Variants in DNAH11 observed in about 807,000 individuals in gnomAD.
DNAH11 encodes dynein axonemal heavy chain 11.
A neutral mutation model predicts 526.0 loss-of-function variants in DNAH11; 442 were observed. The ratio of observed to expected loss-of-function variants is 0.84; its 90% CI spans 0.78 to 0.91. The LOEUF (loss-of-function observed/expected upper bound fraction) is 0.91. DNAH11 is among the 40% of genes least tolerant of loss of function. The probability of loss-of-function intolerance (pLI) is 0.00; values close to 1 mark genes in which losing one functional copy is unlikely to be tolerated. For synonymous variants in DNAH11, 2,461 were observed against 1,935.9 expected, an observed-to-expected ratio of 1.27 and a Z score of -7.12; for missense variants, 6,989 against 5,448.7, an observed-to-expected ratio of 1.28 and a Z score of -8.90.
chr7:21,836,288 G>A (rs1404110853), intron 65 of DNAH11, among the ~76,000 whole-genome samples: 1 of 151,898 alleles, frequency 6.6e-6, no homozygotes, highest in African/African-American at 2.4e-5. Flanking sequence ...ACTCCAAATA[G>A]CCAAACCAAC....
chr7:21,874,828 C>T (rs888528167), intron 74 of DNAH11, among the ~76,000 whole-genome samples: 2 of 151,958 alleles, frequency 1.3e-5, no homozygotes, highest in African/African-American at 4.8e-5. Flanking sequence ...TCCTTCCTTC[C>T]TCTAATTTTT....
chr7:21,551,420 A>G (rs900841601), intron 2 of DNAH11, among the ~76,000 whole-genome samples: 1 of 152,120 alleles, frequency 6.6e-6, no homozygotes, highest in Non-Finnish European at 1.5e-5. Context: ...CCAGTTCCCC[A>G]TGTACCAATT....
chr7:21,638,048 A>T (rs545600310), intron 27 of DNAH11, among the ~76,000 whole-genome samples: 23 of 152,304 alleles, frequency 1.5e-4, no homozygotes, highest in African/African-American at 4.8e-4. Context: ...CCGTTAATGT[A>T]GTCCTTTAGT....
At position 21,735,758 on chromosome 7, in the gene DNAH11, T is replaced by C. The variant is rs777454538; in HGVS notation, c.7559T>C (p.Val2520Ala). 30 of 1,613,916 alleles carry C rather than the reference T, an allele frequency of 1.9e-5. 1 individual carries two copies. The South Asian group carries it at 3.1e-4, about 17-fold the overall frequency. ...GCAGGAGTGGGAAAAACAGTCTTTG[T>C]AGGTGACACATTGGCAAGTCTCTCT... The part of the protein sequence containing the change: ...GNAGVGKTVF[V>A]GDTLASLSED... The change falls in exon 46 of 82, where the codon GTA (valine) becomes GCA (alanine). Residue 2520 changes from valine (V) to alanine (A), a missense_variant. Coordinates refer to ENST00000409508, the MANE Select transcript of DNAH11 (RefSeq NM_001277115.2).
chr7:21,651,710 G>T (rs147103620), intron 28 of DNAH11, among the ~76,000 whole-genome samples: 15 of 152,330 alleles, frequency 9.8e-5, no homozygotes, highest in African/African-American at 3.4e-4. Flanking sequence ...ATGAATTTCA[G>T]TCACTAAGGT....
At chr7:21,771,349 G>A (rs1282189234) in intron 55 of DNAH11, among the ~76,000 whole-genome samples, 4 of 152,146 alleles carry the variant, frequency 2.6e-5, no homozygotes, top group African/African-American at 9.7e-5. Flanking sequence ...ATTCAACTCT[G>A]CTGTTTGTCA....
rs572688181 is a variant in DNAH11 at position 21,860,856 on chromosome 7, A to T, written c.11203-997A>T. On this transcript the variant is annotated intron_variant, in intron 68 of 81. Transcript: ENST00000409508. Reference sequence around the variant, plus strand: ...ACAATCATGGTGGAAGGCGAAAGGCACTTCTTACATGGCAGCAGGCAAGAC... The same window carrying T: ...ACAATCATGGTGGAAGGCGAAAGGCTCTTCTTACATGGCAGCAGGCAAGAC... Among the ~76,000 whole-genome samples the T allele has an allele frequency of 2.0e-5, 3 of 152,276 alleles. No individual in the cohort carries two copies. In the South Asian group the frequency reaches 6.2e-4, roughly 32 times the overall value.
intron 74 of DNAH11, 52 bp downstream of exon 74, chr7:21,873,553 A>G: frequency 6.4e-7 from 1 of 1,557,656 alleles, no homozygotes; most frequent in Non-Finnish European, 8.8e-7. Context: ...TCATCTCACA[A>G]GACTGTGGGG....
At chr7:21,549,911 T>A (rs1256771877) in intron 2 of DNAH11, among the ~76,000 whole-genome samples, 1 of 152,192 alleles carries the variant, frequency 6.6e-6, no homozygotes, top group African/African-American at 2.4e-5. Flanking sequence ...GCATTAAATC[T>A]TATAGTTTGG....
chr7:21,701,154 C>T lies in DNAH11; in HGVS notation c.6181-1556C>T, dbSNP rs146301858. 7.0e-4 allele frequency among the ~76,000 whole-genome samples: 107 copies of T among 152,288 alleles called. 1 individual carries two copies. Among genetic ancestry groups the T allele is most frequent in the African/African-American group, 2.5e-3 (104 of 41,554 alleles). ...GGTTCTTTCCCCTCCCTTTCCTCTT[C>T]AAGCCTCAGCCTACTCCATCAGTGG... On this transcript the variant is annotated intron_variant, in intron 36 of 81. Coordinates refer to ENST00000409508, the MANE Select transcript of DNAH11 (RefSeq NM_001277115.2).
At chr7:21,629,765 C>G (rs540940805) in intron 25 of DNAH11, among the ~76,000 whole-genome samples, 4 of 152,114 alleles carry the variant, frequency 2.6e-5, no homozygotes, top group South Asian at 2.1e-4. Flanking sequence ...TTTCTAGTTG[C>G]ATGGTATATC....
chr7:21,861,836 C>A lies in DNAH11; in HGVS notation c.11203-17C>A. ...GCACCAGTTGTCACATTTTAATGGT[C>A]ACATTAAATTTCCCAGGCTTTTAAC... On this transcript the variant is annotated splice_polypyrimidine_tract_variant and intron_variant, in intron 68 of 81. Coordinates refer to ENST00000409508, the MANE Select transcript of DNAH11 (RefSeq NM_001277115.2). 2 of 1,609,482 alleles carry A rather than the reference C, an allele frequency of 1.2e-6. No individual in the cohort carries two copies. The highest frequency in any genetic ancestry group is 2.2e-5 in the South Asian group (2 of 89,820).
intron 28 of DNAH11, among the ~76,000 whole-genome samples, chr7:21,654,468 T>A (rs1027386158): frequency 1.3e-5 from 2 of 152,228 alleles, no homozygotes; most frequent in Non-Finnish European, 2.9e-5. Context: ...ATACCACATT[T>A]TGTTTATCCA....
chr7:21,573,775 C>T (rs1373157637), intron 8 of DNAH11, among the ~76,000 whole-genome samples: 2 of 152,162 alleles, frequency 1.3e-5, no homozygotes, highest in African/African-American at 4.8e-5. Flanking sequence ...GTTCCTGCTC[C>T]TGCCCCATCC....
rs565829201 is a variant in DNAH11 at position 21,799,116 on chromosome 7, T to G, written c.10027-2021T>G. ...AAATTAATCCTCAAAAAAACACCCT[T>G]TGAGCTAGGTAACATTATTAATTCC... On this transcript the variant is annotated intron_variant, in intron 61 of 81. Coordinates refer to ENST00000409508, the MANE Select transcript of DNAH11 (RefSeq NM_001277115.2). Among the ~76,000 whole-genome samples the G allele has an allele frequency of 2.4e-4, 37 of 152,208 alleles. 1 individual carries two copies. The Middle Eastern group carries it at 0.01, about 42-fold the overall frequency.
At position 21,681,663 on chromosome 7, in the gene DNAH11, C is replaced by T. The variant is rs112892548; in HGVS notation, c.5446C>T (p.Leu1816Phe). The change falls in exon 31 of 82, where the codon CTT (leucine) becomes TTT (phenylalanine). Residue 1816 changes from leucine (L) to phenylalanine (F), a missense_variant. Transcript: ENST00000409508. ...CCATGCCAGAGACGTGGTGGCAAAACTTATTTCTCAGAAGGCAAGTTGTTT... is the reference window on the plus strand; with the variant it reads ...CCATGCCAGAGACGTGGTGGCAAAATTTATTTCTCAGAAGGCAAGTTGTTT... The part of the protein sequence containing the change: ...DVHARDVVAK[L>F]ISQKVVSPQA... The T allele has an allele frequency of 1.2e-6, 2 of 1,613,888 alleles. No homozygotes were observed. Among genetic ancestry groups the T allele is most frequent in the Non-Finnish European group, 1.7e-6 (2 of 1,179,828 alleles).
intron 80 of DNAH11, 124 bp from the exon 81 acceptor site, chr7:21,899,856 T>A: frequency 3.3e-6 from 4 of 1,205,588 alleles, no homozygotes; most frequent in Non-Finnish European, 4.6e-6. Flanking sequence ...AGCGCAGCCA[T>A]GTGCCAATGC....
rs72657401 is a variant in DNAH11, at chr7:21,842,900, A to G, written c.10896+152A>G. Among the ~76,000 whole-genome samples, 409 of 152,334 alleles carry G rather than the reference A, an allele frequency of 2.7e-3. 3 individuals carry two copies. The highest frequency in any genetic ancestry group is 6.3e-4 in the Non-Finnish European group (43 of 68,034). The stretch of plus-strand genomic sequence containing the variant: ...AAGTATACATGTTAAAAGTTAAACA[A>G]TTCAAAGTTGCTCTTCATAAATGCT... On this transcript the variant is annotated intron_variant, in intron 66 of 81. Transcript: ENST00000409508.
chr7:21,646,493 T>A (rs1035820478), intron 28 of DNAH11, among the ~76,000 whole-genome samples: 1 of 152,044 alleles, frequency 6.6e-6, no homozygotes, highest in Non-Finnish European at 1.5e-5. Flanking sequence ...GAGTCCAAAG[T>A]GACTATACTT....
Sources: allele counts gnomAD v4.1 joint callset (sites outside exome capture counted in the v4.1 genomes callset), GRCh38; gene constraint gnomAD v4.1.1; transcripts MANE v1.5; gene names NCBI Gene and HGNC (gene_info 2026-07-23, HGNC 2026-07-21).